The following FABP9 variants were observed in gnomAD, a reference collection of about 807,000 sequenced individuals.
The protein encoded by FABP9 is fatty acid-binding protein 9.
Under a neutral mutation model 14.7 loss-of-function variants are expected in FABP9, and 11 were observed. The ratio of observed to expected loss-of-function variants is 0.75; its 90% confidence interval spans 0.47 to 1.24. FABP9 has a LOEUF of 1.24. Among genes scored for constraint, FABP9 ranks in the 50% most tolerant of loss-of-function variants. The pLI is 0.00. For missense variants in FABP9, 171 were observed against 158.2 expected, an observed-to-expected ratio of 1.08 and a Z score of -0.44; for synonymous variants, 54 against 50.6, an observed-to-expected ratio of 1.07 and a Z score of -0.29.
At position 81,459,224 on chromosome 8, in the gene FABP9, T is replaced by C; in HGVS notation, c.187A>G (p.Ile63Val). The C allele has an allele frequency of 1.9e-6, 3 of 1,592,904 alleles. No individual in the cohort carries two copies. The highest frequency in any genetic ancestry group is 1.7e-6 in the Non-Finnish European group (2 of 1,173,014). Reference protein sequence around the residue: ...RTESSFQDTKISFKLGEEFDE... With the variant: ...RTESSFQDTKVSFKLGEEFDE... ...AATTCTTCCCCCAGCTTGAAGGAGA[T>C]CTTAGTGTCCTGGAAAGAACTTTCT... The change falls in exon 2 of 4, where the codon ATC (isoleucine) becomes GTC (valine). Residue 63 changes from isoleucine to valine, a missense_variant. Ile to Val is a conservative substitution (Grantham distance 29). Transcript: ENST00000379071.
chr8:81,461,320 A>T lies in FABP9; in HGVS notation c.73+131T>A. The T allele has an allele frequency of 1.3e-5, 9 of 704,406 alleles. No individual in the cohort carries two copies. The South Asian group carries it at 1.6e-4, about 12-fold the overall frequency. 43.6% of individuals were successfully genotyped at this position (704,406 alleles called of 1,614,324 possible). A position where few individuals can be genotyped will look rare whatever the true frequency, so the allele number is the denominator to read the frequency against. On this transcript the variant is annotated intron_variant, in intron 1 of 3. Coordinates refer to ENST00000379071, the MANE Select transcript of FABP9 (RefSeq NM_001080526.2). ...TTTAAAAAAGCAAAAGTAGAAGCAT[A>T]CATTGTGTTAGTCTATATACCCTAG...
intron 1 of FABP9, 94 bp from the exon 2 acceptor site, chr8:81,459,431 G>T (rs760674722): frequency 2.4e-4 from 283 of 1,187,016 alleles, no homozygotes; most frequent in Admixed American, 3.3e-4. Context: ...TACCTATTTT[G>T]AAATTTTGGA....
chr8:81,461,510 A>G lies in FABP9; in HGVS notation c.14T>C (p.Phe5Ser). The change falls in exon 1 of 4, where the codon TTC (phenylalanine) becomes TCC (serine). Residue 5 changes from phenylalanine to serine, a missense_variant. Coordinates refer to ENST00000379071, the MANE Select transcript of FABP9 (RefSeq NM_001080526.2). ...GGAGACCAGCTTCCAGGTTCCCAAGAAGGGCTCAACCATCATGGAACACTT... is the reference window on the plus strand; with the variant it reads ...GGAGACCAGCTTCCAGGTTCCCAAGGAGGGCTCAACCATCATGGAACACTT... MVEP[F>S]LGTWKLVSSE... 6.2e-7 allele frequency: 1 copy of G among 1,613,676 alleles called. No homozygotes were observed.
At chr8:81,461,414 C>T (rs1270591622) in intron 1 of FABP9, 37 bp downstream of exon 1, 2 of 1,401,988 alleles carry the variant, frequency 1.4e-6, no homozygotes, top group Admixed American at 1.7e-5. Context: ...TCACAAAATG[C>T]TTTGCCAATT....
At chr8:81,458,811 C>G (rs1331792628) in intron 2 of FABP9, 108 bp from the exon 3 acceptor site, 5 of 799,002 alleles carry the variant, frequency 6.3e-6, no homozygotes, top group African/African-American at 1.7e-5. Flanking sequence ...TCTTAAAATC[C>G]TCACTTTTGT....
chr8:81,460,642 T>TTG (rs1807678105), intron 1 of FABP9, among the ~76,000 whole-genome samples: 1 of 152,196 alleles, frequency 6.6e-6, no homozygotes, highest in Non-Finnish European at 1.5e-5. Context: ...GTAAACATAA[T>TTG]TAATAATTGT....
rs1432737911 is a variant in FABP9, at chr8:81,459,340, A to G, written c.74-3T>C. 1 of 1,519,534 alleles carries G rather than the reference A, an allele frequency of 6.6e-7. No individual in the cohort carries two copies. The allele number at this position is 1,519,534 out of a possible 1,614,324, so 94.1% of individuals were successfully genotyped here. A position where few individuals can be genotyped will look rare whatever the true frequency, so the allele number is the denominator to read the frequency against. ...GTTCCGGGCTGCGAAATTCACTCCT[A>G]CAAGACAGAGATAGCCTTGGACCTT... On this transcript the variant is annotated splice_region_variant and splice_polypyrimidine_tract_variant and intron_variant, in intron 1 of 3. Transcript: ENST00000379071.
chr8:81,458,570 C>T, intron 3 of FABP9, 32 bp downstream of exon 3: 2 of 1,529,048 alleles, frequency 1.3e-6, no homozygotes, highest in Non-Finnish European at 1.8e-6. Flanking sequence ...CAAATAGGAA[C>T]ATATAAAGAC....
rs1266343698 is a variant in FABP9 at position 81,461,323 on chromosome 8, T to C, written c.73+128A>G. On this transcript the variant is annotated intron_variant, in intron 1 of 3. Transcript: ENST00000379071. ...AAAAAAGCAAAAGTAGAAGCATACA[T>C]TGTGTTAGTCTATATACCCTAGGAT... 4.2e-6 allele frequency: 3 copies of C among 710,752 alleles called. No homozygotes were observed. In the African/African-American group the frequency reaches 5.3e-5, roughly 13 times the overall value. 44.0% of individuals were successfully genotyped at this position (710,752 alleles called of 1,614,324 possible). A position where few individuals can be genotyped will look rare whatever the true frequency, so the allele number is the denominator to read the frequency against.
intron 1 of FABP9, 35 bp downstream of exon 1, chr8:81,461,416 T>G: frequency 7.0e-7 from 1 of 1,419,486 alleles, no homozygotes; most frequent in South Asian, 1.1e-5. Flanking sequence ...ACAAAATGCT[T>G]TGCCAATTTC....
rs566552605 is a variant in FABP9, at chr8:81,458,262, A to T, written c.*121T>A. The T allele has an allele frequency of 4.2e-5, 31 of 741,180 alleles. No individual in the cohort carries two copies. Among genetic ancestry groups the T allele is most frequent in the Non-Finnish European group, 7.2e-5 (31 of 429,120 alleles). 45.9% of individuals were successfully genotyped at this position (741,180 alleles called of 1,614,324 possible). On this transcript the variant is annotated 3_prime_UTR_variant, in exon 4 of 4. Transcript: ENST00000379071. ...TAGCTTCAAAACTGCACTTAATTTG[A>T]TGCTTTTATTAAGCAAATTTATATT...
Position 81,461,557 on chromosome 8 carries a change from T to C in FABP9, c.-34A>G. ...ACTTGCTGAGAAGAGCCACTCGTAA[T>C]TGAAAACCAAAGAAATATAGGCATT... On this transcript the variant is annotated 5_prime_UTR_variant, in exon 1 of 4. Transcript: ENST00000379071. 6.5e-7 allele frequency: 1 copy of C among 1,539,214 alleles called. No homozygotes were observed. Among genetic ancestry groups the C allele is most frequent in the Non-Finnish European group, 9.0e-7 (1 of 1,112,080 alleles).
chr8:81,458,881 T>C (rs1264736538), intron 2 of FABP9, among the ~76,000 whole-genome samples, 178 bp from the exon 3 acceptor site: 1 of 152,214 alleles, frequency 6.6e-6, no homozygotes, highest in African/African-American at 2.4e-5. Flanking sequence ...TAGTGCTCTT[T>C]CCTAGGCAAA....
rs376363114 is a variant in FABP9 at position 81,458,338 on chromosome 8, C to G, written c.*45G>C. 1 of 1,438,372 alleles carries G rather than the reference C, an allele frequency of 7.0e-7. No homozygotes were observed. The highest frequency in any genetic ancestry group is 1.4e-5 in the African/African-American group (1 of 70,906). The allele number at this position is 1,438,372 out of a possible 1,614,324, so 89.1% of individuals were successfully genotyped here. On this transcript the variant is annotated 3_prime_UTR_variant, in exon 4 of 4. Transcript: ENST00000379071. ...CCTGAGGCATATCTTCTTCAGGTAC[C>G]AGTTCCTTGTCAGTGAACAAGTTTT...
chr8:81,461,305 C>T, intron 1 of FABP9, 146 bp downstream of exon 1: 1 of 659,018 alleles, frequency 1.5e-6, no homozygotes, highest in East Asian at 2.6e-5. Context: ...TTTAAAAAAG[C>T]AAAAGTAGAA....
Position 81,461,544 on chromosome 8 carries a change from G to A in FABP9, c.-21C>T, listed in dbSNP as rs1445909701. The A allele has an allele frequency of 4.4e-6, 7 of 1,596,652 alleles. No homozygotes were observed. Among genetic ancestry groups the A allele is most frequent in the South Asian group, 2.2e-5 (2 of 90,680 alleles). On this transcript the variant is annotated 5_prime_UTR_variant, in exon 1 of 4. Transcript: ENST00000379071. ...ACCATCATGGAACACTTGCTGAGAAGAGCCACTCGTAATTGAAAACCAAAG... is the reference window on the plus strand; with the variant it reads ...ACCATCATGGAACACTTGCTGAGAAAAGCCACTCGTAATTGAAAACCAAAG...
chr8:81,460,030 C>T (rs953614216), intron 1 of FABP9, among the ~76,000 whole-genome samples: 27 of 152,016 alleles, frequency 1.8e-4, no homozygotes, highest in African/African-American at 6.5e-4. Flanking sequence ...GACAGAGTCT[C>T]GCTATGTTGC....
At position 81,459,355 on chromosome 8, in the gene FABP9, C is replaced by G; in HGVS notation, c.74-18G>C. ...ATTCACTCCTACAAGACAGAGATAG[C>G]CTTGGACCTTATTAAGACATTGTTA... On this transcript the variant is annotated intron_variant, in intron 1 of 3. Transcript: ENST00000379071. 6.7e-7 allele frequency: 1 copy of G among 1,491,172 alleles called. No homozygotes were observed. Among genetic ancestry groups the G allele is most frequent in the South Asian group, 1.4e-5 (1 of 69,256 alleles). The allele number at this position is 1,491,172 out of a possible 1,614,324, so 92.4% of individuals were successfully genotyped here. A position where few individuals can be genotyped will look rare whatever the true frequency, so the allele number is the denominator to read the frequency against.
chr8:81,459,301 A>G lies in FABP9; in HGVS notation c.110T>C (p.Val37Ala). Residue 37 changes from valine to alanine, a missense_variant, in exon 2 of 4, where the codon GTG becomes GCG. Coordinates refer to ENST00000379071, the MANE Select transcript of FABP9 (RefSeq NM_001080526.2). ...AACACTAATAGTTACTGTCGGTTTC[A>G]CTAACCCTGCCATGTTCCGGGCTGC... ...NFAARNMAGL[V>A]KPTVTISVDG... The G allele has an allele frequency of 6.4e-7, 1 of 1,558,066 alleles. No individual in the cohort carries two copies. The highest frequency in any genetic ancestry group is 8.6e-7 in the Non-Finnish European group (1 of 1,160,252).
Sources: allele counts gnomAD v4.1 joint callset (sites outside exome capture counted in the v4.1 genomes callset), GRCh38; gene constraint gnomAD v4.1.1; transcripts MANE v1.5; gene names NCBI Gene and HGNC (gene_info 2026-07-23, HGNC 2026-07-21).